CYB5B: variants seen among roughly 807,000 people sequenced by gnomAD.
CYB5B encodes the protein cytochrome b5 type B (outer mitochondrial membrane).
A neutral mutation model predicts 21.3 loss-of-function variants in CYB5B; 14 were observed. That is an observed-to-expected ratio of 0.66 (90% confidence interval 0.43 to 1.03). The LOEUF (loss-of-function observed/expected upper bound fraction) is 1.03, where lower values mean the gene tolerates loss of function less well. CYB5B is among the 50% of genes least tolerant of loss of function. The pLI is 0.00. For synonymous variants in CYB5B, 69 were observed against 68.4 expected, an observed-to-expected ratio of 1.01 and a Z score of -0.04; for missense variants, 166 against 185.1, an observed-to-expected ratio of 0.90 and a Z score of 0.60.
At chr16:69,455,427 G>T (rs2014974379) in intron 3 of CYB5B, among the ~76,000 whole-genome samples, 5 of 148,016 alleles carry the variant, frequency 3.4e-5, no homozygotes, top group Admixed American at 2.7e-4. Flanking sequence ...TTTGGTGGGG[G>T]GACGAAATCT....
At position 69,448,156 on chromosome 16, in the gene CYB5B, G is replaced by A; in HGVS notation, c.333+12G>A. On this transcript the variant is annotated intron_variant, in intron 3 of 4. Coordinates refer to ENST00000307892, the MANE Select transcript of CYB5B (RefSeq NM_030579.3). ...AAAGTGGTAGCAAGGTAAGAAGTCA[G>A]CGGTTTGTCTTGTGTTTATATTTGT... The A allele has an allele frequency of 6.2e-7, 1 of 1,613,148 alleles. No individual in the cohort carries two copies. Among genetic ancestry groups the A allele is most frequent in the Non-Finnish European group, 8.5e-7 (1 of 1,179,756 alleles).
rs1049157066 is a variant in CYB5B at position 69,460,245 on chromosome 16, A to C, written c.362+1124A>C. Among the ~76,000 whole-genome samples, 4 of 152,134 alleles carry C rather than the reference A, an allele frequency of 2.6e-5. No homozygotes were observed. The South Asian group carries it at 8.3e-4, about 32-fold the overall frequency. On this transcript the variant is annotated intron_variant, in intron 4 of 4. Coordinates refer to ENST00000307892, the MANE Select transcript of CYB5B (RefSeq NM_030579.3). ...ACGAAACTCCATCTCAAAAAAAAAAACCAAACCTTATGCTTATGCTATAAA... is the reference window on the plus strand; with the variant it reads ...ACGAAACTCCATCTCAAAAAAAAAACCCAAACCTTATGCTTATGCTATAAA...
At chr16:69,456,259 C>A (rs906301374) in intron 3 of CYB5B, among the ~76,000 whole-genome samples, 1 of 152,156 alleles carries the variant, frequency 6.6e-6, no homozygotes, top group African/African-American at 2.4e-5. Flanking sequence ...CCTGCCTCAG[C>A]CTTCCCAGTG....
At chr16:69,453,206 T>C (rs1426209477) in intron 3 of CYB5B, among the ~76,000 whole-genome samples, 1 of 152,170 alleles carries the variant, frequency 6.6e-6, no homozygotes, top group Non-Finnish European at 1.5e-5. Context: ...TTTTACATGT[T>C]AGAAGCAGTC....
intron 4 of CYB5B, among the ~76,000 whole-genome samples, chr16:69,459,863 A>G (rs1185891439): frequency 6.6e-6 from 1 of 152,226 alleles, no homozygotes. Context: ...TAGTAAATTT[A>G]GTTTCCTTAA....
chr16:69,447,135 AT>A lies in CYB5B; in HGVS notation c.175-14del, dbSNP rs2014885669. Reference sequence around the variant, plus strand: ...TCAGAGAACCCTCGGTTCAGTAAATATCTTTTCCTTGTAGCACCCTGGAGGA... The same window carrying A: ...TCAGAGAACCCTCGGTTCAGTAAATACTTTTCCTTGTAGCACCCTGGAGGA... On this transcript the variant is annotated splice_polypyrimidine_tract_variant and intron_variant, in intron 1 of 4. Coordinates refer to ENST00000307892, the MANE Select transcript of CYB5B (RefSeq NM_030579.3). 1.2e-6 allele frequency: 2 copies of A among 1,613,114 alleles called. No individual in the cohort carries two copies. The highest frequency in any genetic ancestry group is 1.7e-6 in the Non-Finnish European group (2 of 1,179,460).
intron 3 of CYB5B, chr16:69,448,602 T>TG (rs2014901219): frequency 1.8e-5 from 3 of 162,820 alleles, no homozygotes; most frequent in Non-Finnish European, 2.7e-5. Context: ...TCTTTTTTCC[T>TG]GTAGGCTCAA....
chr16:69,460,457 T>C (rs926805113), intron 4 of CYB5B, among the ~76,000 whole-genome samples: 1 of 152,206 alleles, frequency 6.6e-6, no homozygotes, highest in Admixed American at 6.5e-5. Context: ...ATTAGTGATA[T>C]GTGAATTAAA....
intron 4 of CYB5B, 165 bp downstream of exon 4, chr16:69,459,286 TA>T (rs771059117): frequency 2.1e-5 from 19 of 916,348 alleles, no homozygotes; most frequent in Non-Finnish European, 3.0e-5. Flanking sequence ...TTAGAAAAAT[TA>T]ACTTTTACAG....
rs909613803 is a variant in CYB5B, at chr16:69,442,751, G to A, written c.175-4399G>A. Among the ~76,000 whole-genome samples the A allele has an allele frequency of 5.3e-5, 8 of 151,594 alleles. No individual in the cohort carries two copies. The East Asian group carries it at 1.2e-3, about 22-fold the overall frequency. On this transcript the variant is annotated intron_variant, in intron 1 of 4. Coordinates refer to ENST00000307892, the MANE Select transcript of CYB5B (RefSeq NM_030579.3). Reference sequence around the variant, plus strand: ...TGCCCAGGTTGGTCTTGAATTCCTGGCCTCAAGCAATCTTCCTGCCTTGGC... The same window carrying A: ...TGCCCAGGTTGGTCTTGAATTCCTGACCTCAAGCAATCTTCCTGCCTTGGC...
At chr16:69,442,115 T>G (rs2014829272) in intron 1 of CYB5B, among the ~76,000 whole-genome samples, 2 of 139,402 alleles carry the variant, frequency 1.4e-5, no homozygotes, top group Non-Finnish European at 3.1e-5. Flanking sequence ...TACTAACAAT[T>G]AAATATAAAA....
chr16:69,424,834 G>C lies in CYB5B; in HGVS notation c.151G>C (p.Asp51His), dbSNP rs553628600. Residue 51 changes from aspartate (D) to histidine (H), a missense_variant, in exon 1 of 5, where the codon GAT (aspartate) becomes CAT (histidine). Physicochemically the swap from Asp to His is moderately conservative, Grantham distance 81. Transcript: ENST00000307892. ...GCTTGTGATCCATGGGCGAGTCTAC[G>C]ATGTCACCCGCTTCCTCAACGAGGT... Reference protein sequence around the residue: ...LWLVIHGRVYDVTRFLNEHPG... With the variant: ...LWLVIHGRVYHVTRFLNEHPG... The C allele has an allele frequency of 1.8e-5, 28 of 1,589,052 alleles. No individual in the cohort carries two copies. The South Asian group carries it at 2.8e-4, about 16-fold the overall frequency.
At chr16:69,455,684 A>C (rs1185096096) in intron 3 of CYB5B, among the ~76,000 whole-genome samples, 1 of 151,944 alleles carries the variant, frequency 6.6e-6, no homozygotes, top group East Asian at 1.9e-4. Context: ...CATGCCTGGG[A>C]TTACAGGCAT....
At chr16:69,446,105 A>G (rs2014875522) in intron 1 of CYB5B, among the ~76,000 whole-genome samples, 1 of 152,094 alleles carries the variant, frequency 6.6e-6, no homozygotes, top group Non-Finnish European at 1.5e-5. Context: ...AAAATTGTAG[A>G]TGGTATTATA....
chr16:69,444,223 A>C (rs1302829298), intron 1 of CYB5B: 4 of 154,672 alleles, frequency 2.6e-5, no homozygotes, highest in Non-Finnish European at 5.8e-5. Flanking sequence ...ATATCTGAGA[A>C]GAAGCAGATG....
At chr16:69,433,318 CCA>C (rs2014725170) in intron 1 of CYB5B, among the ~76,000 whole-genome samples, 1 of 152,126 alleles carries the variant, frequency 6.6e-6, no homozygotes, top group Non-Finnish European at 1.5e-5. Flanking sequence ...TAGTAAAAAG[CCA>C]CCTTCCCCTC....
intron 1 of CYB5B, among the ~76,000 whole-genome samples, chr16:69,435,893 C>T (rs2014755393): frequency 6.6e-6 from 1 of 152,158 alleles, no homozygotes; most frequent in East Asian, 1.9e-4. Context: ...CCTGGCTCAG[C>T]CTCCCAAATG....
intron 3 of CYB5B, 25 bp from the exon 4 acceptor site, chr16:69,459,068 G>GA (rs2015007877): frequency 9.0e-7 from 1 of 1,105,454 alleles, no homozygotes. Context: ...TGTTATTTTT[G>GA]AATTTTTTTT....
chr16:69,447,112 A>G (rs753948929), intron 1 of CYB5B, 38 bp from the exon 2 acceptor site: 1 of 1,600,162 alleles, frequency 6.2e-7, no homozygotes, highest in Non-Finnish European at 8.5e-7. Context: ...TTTGCTTTTC[A>G]GAGAACCCTC....
Sources: allele counts gnomAD v4.1 joint callset (sites outside exome capture counted in the v4.1 genomes callset), GRCh38; gene constraint gnomAD v4.1.1; transcripts MANE v1.5; gene names NCBI Gene and HGNC (gene_info 2026-07-23, HGNC 2026-07-21).